Variants in ALPK1 observed in about 807,000 individuals in gnomAD.
ALPK1 encodes alpha kinase 1.
Under a neutral mutation model 120.6 loss-of-function variants are expected in ALPK1, and 110 were observed. The ratio of observed to expected loss-of-function variants is 0.91; its 90% CI spans 0.78 to 1.07. The LOEUF (loss-of-function observed/expected upper bound fraction) is 1.07, where lower values mean the gene tolerates loss of function less well. Among genes scored for constraint, ALPK1 ranks in the 50% least tolerant of loss-of-function variants. ALPK1 has a pLI of 0.00. For missense variants in ALPK1, 1,498 were observed against 1,483.9 expected (o/e 1.01, Z -0.16); for synonymous variants, 582 against 560.3 (o/e 1.04, Z -0.55).
chr4:112,440,965 A>G lies in ALPK1; in HGVS notation c.3587A>G (p.Gln1196Arg), dbSNP rs756079043. The change falls in exon 15 of 16, where the codon CAG becomes CGG. Residue 1196 changes from glutamine (Q) to arginine (R), a missense_variant. Gln to Arg is a conservative substitution (Grantham distance 43). Coordinates refer to ENST00000650871, the MANE Select transcript of ALPK1 (RefSeq NM_025144.4). ...GGACTCATCTACCTCACAGATCCCC[A>G]GATTCACTCCGTTGATCAGAAAGTT... ...GKGLIYLTDP[Q>R]IHSVDQKVFT... 2.5e-6 allele frequency: 4 copies of G among 1,613,822 alleles called. No individual in the cohort carries two copies. The Admixed American group carries it at 5.0e-5, about 20-fold the overall frequency.
At position 112,411,540 on chromosome 4, in the gene ALPK1, T is replaced by G. The variant is rs938241896; in HGVS notation, c.277-287T>G. On this transcript the variant is annotated intron_variant, in intron 4 of 15. Coordinates refer to ENST00000650871, the MANE Select transcript of ALPK1 (RefSeq NM_025144.4). ...ATGCCCGGCCCTACTTTTTACCCTATGCGCTTTAGTATTGTTTGAGTTTTT... is the reference window on the plus strand; with the variant it reads ...ATGCCCGGCCCTACTTTTTACCCTAGGCGCTTTAGTATTGTTTGAGTTTTT... Among the ~76,000 whole-genome samples the G allele has an allele frequency of 2.0e-5, 3 of 152,232 alleles. No homozygotes were observed. In the South Asian group the frequency reaches 6.2e-4, roughly 32 times the overall value.
intron 4 of ALPK1, among the ~76,000 whole-genome samples, chr4:112,387,632 A>G (rs1447680070): frequency 6.6e-6 from 1 of 152,168 alleles, no homozygotes; most frequent in African/African-American, 2.4e-5. Context: ...TGTTGTAAAT[A>G]TTTTTGGAAA....
chr4:112,428,606 C>T (rs1734344079), intron 9 of ALPK1, among the ~76,000 whole-genome samples: 1 of 152,174 alleles, frequency 6.6e-6, no homozygotes, highest in African/African-American at 2.4e-5. Flanking sequence ...AACCCCTTCT[C>T]CATTTATTGT....
At chr4:112,423,777 T>A (rs1203837071) in intron 5 of ALPK1, 167 bp from the exon 6 acceptor site, 5 of 741,470 alleles carry the variant, frequency 6.7e-6, no homozygotes, top group Non-Finnish European at 1.2e-5. Context: ...ATCTTTCTTT[T>A]CAGTTTTATA....
intron 2 of ALPK1, among the ~76,000 whole-genome samples, chr4:112,368,569 G>A (rs1185061495): frequency 6.6e-6 from 1 of 152,134 alleles, no homozygotes; most frequent in Non-Finnish European, 1.5e-5. Context: ...AGCTTGGATT[G>A]AGGTTAATTT....
At chr4:112,382,111 T>C (rs1731939934) in intron 3 of ALPK1, among the ~76,000 whole-genome samples, 1 of 152,178 alleles carries the variant, frequency 6.6e-6, no homozygotes, top group Non-Finnish European at 1.5e-5. Context: ...CATGCAGAGA[T>C]AGTCACTAAA....
At chr4:112,377,602 A>G in intron 2 of ALPK1, 76 bp from the exon 3 acceptor site, 2 of 562,466 alleles carry the variant, frequency 3.6e-6, no homozygotes, top group Non-Finnish European at 6.0e-6. Flanking sequence ...TTGCCCTATT[A>G]TCCCTCCCTG....
chr4:112,369,726 T>C (rs1380916160), intron 2 of ALPK1, among the ~76,000 whole-genome samples: 1 of 152,192 alleles, frequency 6.6e-6, no homozygotes, highest in East Asian at 1.9e-4. Context: ...TAATTATTCA[T>C]GTACATATGA....
At chr4:112,395,662 C>G (rs1480687981) in intron 4 of ALPK1, among the ~76,000 whole-genome samples, 2 of 152,124 alleles carry the variant, frequency 1.3e-5, no homozygotes, top group East Asian at 3.9e-4. Flanking sequence ...GCATGAGAAA[C>G]TTTTTGTTCA....
intron 2 of ALPK1, among the ~76,000 whole-genome samples, chr4:112,371,519 TA>T (rs1439633430): frequency 2.6e-5 from 4 of 152,210 alleles, no homozygotes; most frequent in South Asian, 2.1e-4. Flanking sequence ...TTAACTTCAT[TA>T]AGCCTTATCA....
At chr4:112,376,640 C>T (rs1054542162) in intron 2 of ALPK1, among the ~76,000 whole-genome samples, 1 of 152,220 alleles carries the variant, frequency 6.6e-6, no homozygotes, top group African/African-American at 2.4e-5. Context: ...AATCCCAACA[C>T]CAACACAATA....
At chr4:112,309,412 G>C (rs1023380116) in intron 1 of ALPK1, among the ~76,000 whole-genome samples, 14 of 152,174 alleles carry the variant, frequency 9.2e-5, no homozygotes, top group Non-Finnish European at 2.1e-4. Context: ...TGAGCTTCCA[G>C]GCTGCTTTGT....
Position 112,441,257 on chromosome 4 carries a change from C to A in ALPK1, c.*47C>A. ...TTGGGGCTTGGGCAGGGCCGTGACA[C>A]AGGTTCTGGCCAATGATTTGCAAGA... On this transcript the variant is annotated 3_prime_UTR_variant, in exon 16 of 16. Coordinates refer to ENST00000650871, the MANE Select transcript of ALPK1 (RefSeq NM_025144.4). 1.6e-6 allele frequency: 2 copies of A among 1,238,482 alleles called. No individual in the cohort carries two copies. Among genetic ancestry groups the A allele is most frequent in the Non-Finnish European group, 2.4e-6 (2 of 837,122 alleles). 76.7% of individuals were successfully genotyped at this position (1,238,482 alleles called of 1,614,324 possible). A position where few individuals can be genotyped will look rare whatever the true frequency, so the allele number is the denominator to read the frequency against.
intron 1 of ALPK1, among the ~76,000 whole-genome samples, chr4:112,315,597 T>C (rs1438882199): frequency 6.6e-6 from 1 of 152,184 alleles, no homozygotes; most frequent in Non-Finnish European, 1.5e-5. Flanking sequence ...CCTCTTCCTT[T>C]TATATCTAAA....
intron 4 of ALPK1, among the ~76,000 whole-genome samples, chr4:112,404,728 G>A (rs796754254): frequency 5.9e-5 from 9 of 152,302 alleles, no homozygotes; most frequent in African/African-American, 2.2e-4. Context: ...CTGAATGCCA[G>A]ATTGTAAACT....
chr4:112,434,726 C>A (rs1157424468), intron 11 of ALPK1, among the ~76,000 whole-genome samples: 5 of 152,182 alleles, frequency 3.3e-5, no homozygotes, highest in African/African-American at 4.8e-5. Flanking sequence ...CTAGGATTCC[C>A]AGAGCTGCCA....
At chr4:112,309,789 A>C (rs1728313611) in intron 1 of ALPK1, among the ~76,000 whole-genome samples, 1 of 152,048 alleles carries the variant, frequency 6.6e-6, no homozygotes, top group South Asian at 2.1e-4. Context: ...TCTTGTTGCA[A>C]GACCATTTCC....
chr4:112,441,072 C>A lies in ALPK1; in HGVS notation c.3694C>A (p.Leu1232Ile). Residue 1232 changes from leucine (L) to isoleucine (I), a missense_variant, in exon 15 of 16, where the codon CTT (leucine) becomes ATT (isoleucine). Coordinates refer to ENST00000650871, the MANE Select transcript of ALPK1 (RefSeq NM_025144.4). ...HVECNEICHR[L>I]SLTRPSMEKP... ...GGAATGTAATGAAATCTGCCATCGT[C>A]TTTCTTTGACTAGACCTTCAATGGA... 6.2e-7 allele frequency: 1 copy of A among 1,613,944 alleles called. No individual in the cohort carries two copies. Among genetic ancestry groups the A allele is most frequent in the African/African-American group, 1.3e-5 (1 of 75,018 alleles).
chr4:112,330,470 A>G (rs954479683), intron 2 of ALPK1, among the ~76,000 whole-genome samples: 2 of 152,192 alleles, frequency 1.3e-5, no homozygotes, highest in African/African-American at 4.8e-5. Flanking sequence ...ACTACCACCC[A>G]AAGAGGGAAA....
Sources: allele counts gnomAD v4.1 joint callset (sites outside exome capture counted in the v4.1 genomes callset), GRCh38; gene constraint gnomAD v4.1.1; transcripts MANE v1.5; gene names NCBI Gene and HGNC (gene_info 2026-07-23, HGNC 2026-07-21).